Variants in VPS33A observed in about 807,000 individuals in gnomAD.
VPS33A encodes the protein vacuolar protein sorting-associated protein 33A.
VPS33A carries 32 observed loss-of-function variants against 71.8 expected under a neutral mutation model. The observed-to-expected ratio is 0.45, with a 90% confidence interval of 0.34 to 0.60. VPS33A has a LOEUF of 0.60. Among genes scored for constraint, VPS33A ranks in the 20% least tolerant of loss-of-function variants. The probability of loss-of-function intolerance (pLI) is 0.02; values close to 1 mark genes in which losing one functional copy is unlikely to be tolerated. For synonymous variants in VPS33A, 311 were observed against 292.7 expected (o/e 1.06, Z -0.64); for missense variants, 625 against 748.5 (o/e 0.84, Z 1.92).
At chr12:122,245,625 T>C (rs1402499536) in intron 6 of VPS33A, among the ~76,000 whole-genome samples, 4 of 152,076 alleles carry the variant, frequency 2.6e-5, no homozygotes, top group African/African-American at 9.7e-5. Flanking sequence ...CTTGTATTTT[T>C]AGTAGAGACA....
At chr12:122,264,002 CA>C in intron 2 of VPS33A, 131 bp downstream of exon 2, 1 of 756,728 alleles carries the variant, frequency 1.3e-6, no homozygotes, top group South Asian at 2.5e-5. Context: ...GTTAATCGGG[CA>C]CTAGTATTAG....
intron 7 of VPS33A, among the ~76,000 whole-genome samples, chr12:122,243,086 G>A (rs985662353): frequency 6.6e-6 from 1 of 152,180 alleles, no homozygotes; most frequent in South Asian, 2.1e-4. Context: ...TAAACACTGT[G>A]TCAGTATTTT....
intron 5 of VPS33A, among the ~76,000 whole-genome samples, chr12:122,250,387 G>A (rs1188296091): frequency 6.6e-6 from 1 of 152,174 alleles, no homozygotes; most frequent in Non-Finnish European, 1.5e-5. Flanking sequence ...GGGAGCCTCT[G>A]GTCTCAACGT....
intron 12 of VPS33A, 137 bp downstream of exon 12, chr12:122,232,662 CA>C: frequency 2.6e-6 from 3 of 1,174,848 alleles, no homozygotes; most frequent in Non-Finnish European, 3.5e-6. Context: ...GTTCTTACTA[CA>C]TACATTAGCA....
intron 6 of VPS33A, among the ~76,000 whole-genome samples, chr12:122,245,435 C>T (rs926861330): frequency 6.0e-5 from 9 of 151,118 alleles, no homozygotes; most frequent in Admixed American, 2.0e-4. Context: ...AAACTCTGTT[C>T]ACGTTCTGTT....
chr12:122,262,719 G>T (rs1221253033), intron 3 of VPS33A, among the ~76,000 whole-genome samples: 1 of 149,070 alleles, frequency 6.7e-6, no homozygotes, highest in Non-Finnish European at 1.5e-5. Flanking sequence ...TTAAGCTTTT[G>T]GCTATCTTTA....
In VPS33A at chr12:122,238,202, ATTTTT is replaced by A. The variant is rs879490216; in HGVS notation, c.1302+380_1302+384del. On this transcript the variant is annotated intron_variant, in intron 10 of 12. Transcript: ENST00000267199. ...CCAAAATGGCAGCTTTGTAATTTTT[ATTTTT>A]TTTAATTTTAAATTTTTTATTATTA... Among the ~76,000 whole-genome samples, 312 of 151,954 alleles carry A rather than the reference ATTTTT, an allele frequency of 2.1e-3. 3 individuals are homozygous for A. The highest frequency in any genetic ancestry group is 3.4e-3 in the Non-Finnish European group (231 of 67,930).
intron 4 of VPS33A, among the ~76,000 whole-genome samples, chr12:122,260,091 T>C (rs1451005804): frequency 1.3e-5 from 2 of 151,986 alleles, no homozygotes; most frequent in African/African-American, 4.8e-5. Flanking sequence ...TCATACAGAC[T>C]GAACTAGATT....
At chr12:122,254,362 T>C (rs1486886325) in intron 4 of VPS33A, among the ~76,000 whole-genome samples, 1 of 151,830 alleles carries the variant, frequency 6.6e-6, no homozygotes, top group Middle Eastern at 3.2e-3. Flanking sequence ...CCTTTCTTTT[T>C]CTTTCTGCCA....
intron 4 of VPS33A, among the ~76,000 whole-genome samples, chr12:122,260,674 A>G (rs1348595924): frequency 6.6e-6 from 1 of 152,206 alleles, no homozygotes; most frequent in Non-Finnish European, 1.5e-5. Flanking sequence ...GGAAGTGTCT[A>G]CATGATAAAA....
chr12:122,264,089 T>A lies in VPS33A; in HGVS notation c.168+45A>T, dbSNP rs141936563. 1,044 of 1,439,782 alleles carry A rather than the reference T, an allele frequency of 7.3e-4. 1 individual carries two copies. The highest frequency in any genetic ancestry group is 6.1e-3 in the Middle Eastern group (34 of 5,544). 89.2% of individuals were successfully genotyped at this position (1,439,782 alleles called of 1,614,324 possible). On this transcript the variant is annotated intron_variant, in intron 2 of 12. Coordinates refer to ENST00000267199, the MANE Select transcript of VPS33A (RefSeq NM_022916.6). ...TAAAATCCTATTGTAACTGCTAAAG[T>A]ACAGAATTATTAATCCCCTAACAAA...
chr12:122,263,471 T>G, intron 3 of VPS33A, 101 bp downstream of exon 3: 2 of 1,392,150 alleles, frequency 1.4e-6, no homozygotes, highest in South Asian at 3.3e-5. Flanking sequence ...AAAGACCACC[T>G]TGCACTGGCA....
intron 9 of VPS33A, 99 bp downstream of exon 9, chr12:122,239,779 A>AAAAAAAAAAAAAAAAAAAT: frequency 2.0e-6 from 1 of 507,358 alleles, no homozygotes; most frequent in East Asian, 4.2e-5. Context: ...AAAAAAAAAA[A>AAAAAAAAAAAAAAAAAAAT]GGCAAGGCAT....
intron 11 of VPS33A, among the ~76,000 whole-genome samples, chr12:122,234,939 C>T (rs1339745096): frequency 6.6e-6 from 1 of 152,114 alleles, no homozygotes; most frequent in Admixed American, 6.5e-5. Flanking sequence ...TCCTTCAGGC[C>T]GTGGCTGGCA....
intron 1 of VPS33A, among the ~76,000 whole-genome samples, chr12:122,265,079 C>CACACTA (rs1241105881): frequency 6.6e-6 from 1 of 151,612 alleles, no homozygotes; most frequent in Admixed American, 6.6e-5. Context: ...TGTGCCACCA[C>CACACTA]ATCACGCTAA....
At position 122,240,043 on chromosome 12, in the gene VPS33A, T is replaced by C. The variant is rs1327850202; in HGVS notation, c.1097-98A>G. ...CAGAGCACGATTCAGAAACTAGACA[T>C]GTGGCTGGGCACGGTGGCTCACACC... On this transcript the variant is annotated intron_variant, in intron 8 of 12. Coordinates refer to ENST00000267199, the MANE Select transcript of VPS33A (RefSeq NM_022916.6). 9.6e-6 allele frequency: 9 copies of C among 934,870 alleles called. No individual in the cohort carries two copies. The African/African-American group carries it at 1.3e-4, about 14-fold the overall frequency. 57.9% of individuals were successfully genotyped at this position (934,870 alleles called of 1,614,324 possible).
At chr12:122,250,219 CACTT>C (rs1361749620) in intron 5 of VPS33A, 174 bp from the exon 6 acceptor site, 1 of 629,156 alleles carries the variant, frequency 1.6e-6, no homozygotes, top group East Asian at 2.9e-5. Context: ...CCCATCCCGA[CACTT>C]GCACCAAGGC....
intron 8 of VPS33A, among the ~76,000 whole-genome samples, chr12:122,241,542 C>T (rs1014822087): frequency 6.6e-5 from 10 of 151,446 alleles, no homozygotes; most frequent in Non-Finnish European, 1.3e-4. Flanking sequence ...TGACCTCAGG[C>T]GATCCACCTG....
chr12:122,257,297 G>C (rs1029513437), intron 4 of VPS33A, among the ~76,000 whole-genome samples: 7 of 151,258 alleles, frequency 4.6e-5, no homozygotes, highest in Non-Finnish European at 1.0e-4. Context: ...CGTGGTGGTG[G>C]ATGCCTGTAA....
Sources: gnomAD v4.1 joint callset for allele counts (sites outside exome capture counted in the v4.1 genomes callset) on GRCh38, gnomAD v4.1.1 for gene constraint, MANE v1.5 for transcripts, NCBI Gene and HGNC (gene_info 2026-07-23, HGNC 2026-07-21) for gene names.